Variants in PRKAG2 observed in about 807,000 individuals in gnomAD.
PRKAG2 encodes 5'-AMP-activated protein kinase subunit gamma-2.
PRKAG2 carries 26 observed loss-of-function variants against 69.6 expected under a neutral mutation model. The ratio of observed to expected loss-of-function variants is 0.37; its 90% CI spans 0.27 to 0.52. The LOEUF (loss-of-function observed/expected upper bound fraction) is 0.52. Among genes scored for constraint, PRKAG2 ranks in the 20% least tolerant of loss-of-function variants. The pLI, the probability that PRKAG2 is intolerant of heterozygous loss-of-function variation, is 0.90. For synonymous variants in PRKAG2, 293 were observed against 285.0 expected, an observed-to-expected ratio of 1.03 and a Z score of -0.28; for missense variants, 557 against 740.0, an observed-to-expected ratio of 0.75 and a Z score of 2.87.
At chr7:151,803,714 T>C (rs1238241514) in intron 1 of PRKAG2, among the ~76,000 whole-genome samples, 1 of 151,884 alleles carries the variant, frequency 6.6e-6, no homozygotes, top group East Asian at 1.9e-4. Flanking sequence ...CCAGCTTGTT[T>C]TTTTTTTTTT....
chr7:151,754,614 G>T (rs1324454880), intron 3 of PRKAG2, among the ~76,000 whole-genome samples: 3 of 152,208 alleles, frequency 2.0e-5, no homozygotes, highest in Non-Finnish European at 4.4e-5. Context: ...AACATCTGGG[G>T]ACAGACCCAG....
At chr7:151,718,442 C>G (rs956654503) in intron 3 of PRKAG2, among the ~76,000 whole-genome samples, 3 of 152,064 alleles carry the variant, frequency 2.0e-5, no homozygotes, top group Non-Finnish European at 4.4e-5. Context: ...GGGACACGAT[C>G]TGGTCCACAG....
intron 3 of PRKAG2, among the ~76,000 whole-genome samples, chr7:151,709,847 T>C (rs967637107): frequency 6.6e-6 from 1 of 152,002 alleles, no homozygotes; most frequent in Non-Finnish European, 1.5e-5. Context: ...ATGTGTGACA[T>C]TGAGTGACAG....
At chr7:151,822,844 C>T (rs2151866397) in intron 1 of PRKAG2, among the ~76,000 whole-genome samples, 1 of 149,522 alleles carries the variant, frequency 6.7e-6, no homozygotes, top group East Asian at 2.1e-4. Context: ...TCCCTCCCCA[C>T]AAAAGGTTGC....
intron 5 of PRKAG2, among the ~76,000 whole-genome samples, chr7:151,603,677 A>T (rs954378062): frequency 6.6e-6 from 1 of 152,170 alleles, no homozygotes; most frequent in Non-Finnish European, 1.5e-5. Flanking sequence ...ATGCCTTCTC[A>T]TCCCATCCTA....
At chr7:151,559,764 G>A in intron 15 of PRKAG2, 1 of 985,360 alleles carries the variant, frequency 1.0e-6, no homozygotes, top group Non-Finnish European at 1.2e-6. Context: ...CATGCTGTTT[G>A]CTCCCACATC....
intron 1 of PRKAG2, among the ~76,000 whole-genome samples, chr7:151,816,546 C>T (rs1301996893): frequency 6.6e-6 from 1 of 152,196 alleles, no homozygotes; most frequent in Non-Finnish European, 1.5e-5. Flanking sequence ...CATGGATGAA[C>T]ACGCATCAGG....
chr7:151,696,685 C>T (rs1269273841), intron 3 of PRKAG2, among the ~76,000 whole-genome samples: 3 of 152,234 alleles, frequency 2.0e-5, no homozygotes, highest in Non-Finnish European at 4.4e-5. Flanking sequence ...TTTGAAGCCC[C>T]TGTCTGAAAA....
intron 3 of PRKAG2, among the ~76,000 whole-genome samples, chr7:151,768,299 G>A (rs1452321193): frequency 6.6e-6 from 1 of 152,144 alleles, no homozygotes; most frequent in East Asian, 1.9e-4. Flanking sequence ...CATTCATGAG[G>A]CCAAACTTCC....
chr7:151,800,827 C>T (rs1437943922), intron 1 of PRKAG2, among the ~76,000 whole-genome samples: 1 of 152,160 alleles, frequency 6.6e-6, no homozygotes, highest in Non-Finnish European at 1.5e-5. Context: ...GCCCTAATGT[C>T]AGCTATGGAC....
At position 151,781,463 on chromosome 7, in the gene PRKAG2, C is replaced by A. The variant is rs1303404171; in HGVS notation, c.187-32G>T. 1 of 1,578,676 alleles carries A rather than the reference C, an allele frequency of 6.3e-7. No homozygotes were observed. Among genetic ancestry groups the A allele is most frequent in the Admixed American group, 1.8e-5 (1 of 54,754 alleles). On this transcript the variant is annotated intron_variant, in intron 2 of 15. Coordinates refer to ENST00000287878, the MANE Select transcript of PRKAG2 (RefSeq NM_016203.4). The surrounding 1 kb of genome is among the most constrained non-coding windows in gnomAD (Gnocchi z 6.1). ...AAAAACAGACGAATGGATGCAGTCA[C>A]TCCACGCTCTGGACACGCTGCCTCC... is the stretch of plus-strand genomic sequence containing the variant.
chr7:151,788,860 A>C lies in PRKAG2; in HGVS notation c.115-2319T>G, dbSNP rs536537002. ...CGTAAGGGTGCAATTTCATTCTTTT[A>C]CATGTAGATAGCCAGTTTTCCCAGC... On this transcript the variant is annotated intron_variant, in intron 1 of 15. Coordinates refer to ENST00000287878, the MANE Select transcript of PRKAG2 (RefSeq NM_016203.4). This position sits in a 1 kb window ranked among gnomAD's most constrained non-coding sequence, Gnocchi z 4.6. Among the ~76,000 whole-genome samples, 10 of 152,266 alleles carry C rather than the reference A, an allele frequency of 6.6e-5. No individual in the cohort carries two copies. The East Asian group carries it at 1.3e-3, about 21-fold the overall frequency.
At chr7:151,692,441 T>A (rs1398198065) in intron 3 of PRKAG2, among the ~76,000 whole-genome samples, 1 of 152,032 alleles carries the variant, frequency 6.6e-6, no homozygotes, top group Admixed American at 6.6e-5. Flanking sequence ...TTGCTGAGGA[T>A]GAGGGGAGAA....
chr7:151,667,746 G>A (rs1831259707), intron 4 of PRKAG2, among the ~76,000 whole-genome samples: 1 of 152,204 alleles, frequency 6.6e-6, no homozygotes, highest in African/African-American at 2.4e-5. Flanking sequence ...TGCTGGAAAA[G>A]AGACCATGTG....
In PRKAG2 at chr7:151,675,471, G is replaced by T; in HGVS notation, c.633C>A (p.Ser211Arg). 6.2e-7 allele frequency: 1 copy of T among 1,614,182 alleles called. No individual in the cohort carries two copies. The highest frequency in any genetic ancestry group is 8.5e-7 in the Non-Finnish European group (1 of 1,180,042). ...GQRFCPSSFQ[S>R]PTRPPLASPT... ...GTGATGCCAGTGGAGGCCTGGTCGG[G>T]CTCTGGAAGGAAGACGGGCAGAACC... The change falls in exon 4 of 16, where the codon AGC becomes AGA. Residue 211 changes from serine (S) to arginine (R), a missense_variant. This residue lies in a region of PRKAG2 where 352 missense variants were observed against 356.7 expected (regional missense o/e 0.99). Coordinates refer to ENST00000287878, the MANE Select transcript of PRKAG2 (RefSeq NM_016203.4).
chr7:151,582,808 G>A (rs1467473873), intron 6 of PRKAG2, among the ~76,000 whole-genome samples: 1 of 152,248 alleles, frequency 6.6e-6, no homozygotes, highest in African/African-American at 2.4e-5. Flanking sequence ...CGTGCCAGCT[G>A]TGTGGTGGCT....
At chr7:151,767,835 CA>C (rs5888450) in intron 3 of PRKAG2, among the ~76,000 whole-genome samples, 106,137 of 151,566 alleles carry the variant, frequency 0.7, 37,699 homozygotes, top group East Asian at 0.98. Context: ...AAGAACTGGC[CA>C]AAAGCTCTGG....
chr7:151,853,489 T>C (rs542353391), intron 1 of PRKAG2, among the ~76,000 whole-genome samples: 6 of 152,354 alleles, frequency 3.9e-5, no homozygotes, highest in Admixed American at 3.3e-4. Context: ...TAGTCAAATA[T>C]GGCTCACGCC....
At chr7:151,703,909 C>CACAA (rs1838172602) in intron 3 of PRKAG2, among the ~76,000 whole-genome samples, 3 of 131,586 alleles carry the variant, frequency 2.3e-5, no homozygotes, top group East Asian at 2.1e-4. Flanking sequence ...CACACACACA[C>CACAA]AAATTAGCTA....
Sources: gnomAD v4.1 joint callset for allele counts (sites outside exome capture counted in the v4.1 genomes callset) on GRCh38, gnomAD v4.1.1 for gene constraint, gnomAD v4.1.1 regional missense constraint, Gnocchi (gnomAD v3.1) non-coding constraint, MANE v1.5 for transcripts, NCBI Gene and HGNC (gene_info 2026-07-23, HGNC 2026-07-21) for gene names.